CNP: variants seen among roughly 807,000 people sequenced by gnomAD.
CNP encodes 2',3'-cyclic nucleotide 3' phosphodiesterase, also known as 2',3'-cyclic-nucleotide 3'-phosphodiesterase.
Under a neutral mutation model 37.9 loss-of-function variants are expected in CNP, and 8 were observed. That is an observed-to-expected ratio of 0.21 (90% CI 0.12 to 0.38). CNP has a LOEUF of 0.38. Among genes scored for constraint, CNP ranks in the 10% least tolerant of loss-of-function variants. The probability of loss-of-function intolerance (pLI) is 1.00; values close to 1 mark genes in which losing one functional copy is unlikely to be tolerated. For missense variants in CNP, 457 were observed against 551.0 expected (o/e 0.83, Z 1.71); for synonymous variants, 237 against 238.3 (o/e 0.99, Z 0.05).
chr17:41,972,034 G>A lies in CNP; in HGVS notation c.816+3G>A. The stretch of plus-strand genomic sequence containing the variant: ...CAGAGGAGTACGCTCAACAAGATGT[G>A]AGTCTTCCCCAGGGACACATGGGGG... On this transcript the variant is annotated splice_donor_region_variant and intron_variant, in intron 3 of 3. Coordinates refer to ENST00000393892, the MANE Select transcript of CNP (RefSeq NM_033133.5). The A allele has an allele frequency of 6.2e-7, 1 of 1,613,598 alleles. No individual in the cohort carries two copies. Among genetic ancestry groups the A allele is most frequent in the Non-Finnish European group, 8.5e-7 (1 of 1,179,730 alleles).
Position 41,968,832 on chromosome 17 carries a change from C to T in CNP, c.676+92C>T. The T allele has an allele frequency of 7.2e-7, 1 of 1,393,502 alleles. No homozygotes were observed. The highest frequency in any genetic ancestry group is 9.6e-7 in the Non-Finnish European group (1 of 1,044,000). The allele number at this position is 1,393,502 out of a possible 1,614,324, so 86.3% of individuals were successfully genotyped here. On this transcript the variant is annotated intron_variant, in intron 2 of 3. Transcript: ENST00000393892. This position sits in a 1 kb window ranked among gnomAD's most constrained non-coding sequence, Gnocchi z 4.8. Reference sequence around the variant, plus strand: ...ATCATTGTACTCAAAGGATGGAGCACGAAGCAGCAGGAGGCAGAGAGAGGC... The same window carrying T: ...ATCATTGTACTCAAAGGATGGAGCATGAAGCAGCAGGAGGCAGAGAGAGGC...
chr17:41,967,336 C>T (rs1469798241), intron 1 of CNP: 1 of 158,118 alleles, frequency 6.3e-6, no homozygotes, highest in Non-Finnish European at 1.4e-5. Context: ...AGCTGCCGTC[C>T]CTTGTGGCTT....
At chr17:41,973,432 C>T (rs781860039) in intron 3 of CNP, 43 bp from the exon 4 acceptor site, 1 of 1,565,582 alleles carries the variant, frequency 6.4e-7, no homozygotes, top group East Asian at 2.2e-5. Context: ...TCCTCAAGAG[C>T]CTGCCATCTC....
chr17:41,974,000 T>A lies in CNP; in HGVS notation c.*76T>A. On this transcript the variant is annotated 3_prime_UTR_variant, in exon 4 of 4. Transcript: ENST00000393892. Reference sequence around the variant, plus strand: ...TGCCCTCTGTTTGATCCTTGTTTTGTGACATTTTTTTTTTTTTTTTTTTTA... The same window carrying A: ...TGCCCTCTGTTTGATCCTTGTTTTGAGACATTTTTTTTTTTTTTTTTTTTA... 1 of 1,185,048 alleles carries A rather than the reference T, an allele frequency of 8.4e-7. No homozygotes were observed. Among genetic ancestry groups the A allele is most frequent in the Non-Finnish European group, 1.1e-6 (1 of 916,432 alleles). 73.4% of individuals were successfully genotyped at this position (1,185,048 alleles called of 1,614,324 possible).
chr17:41,976,474 T>A lies in CNP; in HGVS notation c.*2550T>A, dbSNP rs782811259. On this transcript the variant is annotated 3_prime_UTR_variant, in exon 4 of 4. Transcript: ENST00000393892. ...ACATTTTATTCTCTTTTTTTTTTCT[T>A]TTTTAATAAAGTTAAACAGTAAAAC... The A allele has an allele frequency of 6.5e-6, 3 of 462,214 alleles. No homozygotes were observed. The highest frequency in any genetic ancestry group is 1.1e-5 in the Non-Finnish European group (3 of 265,298). 28.6% of individuals were successfully genotyped at this position (462,214 alleles called of 1,614,324 possible). A position where few individuals can be genotyped will look rare whatever the true frequency, so the allele number is the denominator to read the frequency against.
In CNP at chr17:41,977,520, TA is replaced by T. The variant is rs1424498791; in HGVS notation, c.*3597del. On this transcript the variant is annotated 3_prime_UTR_variant, in exon 4 of 4. Transcript: ENST00000393892. ...AAAACATGCTACCTGATCCCACTCCTAGGACATGTTCCCTTCTCCTTCCAAC... is the reference window on the plus strand; with the variant it reads ...AAAACATGCTACCTGATCCCACTCCTGGACATGTTCCCTTCTCCTTCCAAC... 2 of 502,250 alleles carry T rather than the reference TA, an allele frequency of 4.0e-6. No individual in the cohort carries two copies. Among genetic ancestry groups the T allele is most frequent in the East Asian group, 6.8e-5 (2 of 29,312 alleles). The allele number at this position is 502,250 out of a possible 1,614,324, so 31.1% of individuals were successfully genotyped here.
rs1243707392 is a variant in CNP at position 41,968,535 on chromosome 17, C to A, written c.471C>A (p.Asp157Glu). The A allele has an allele frequency of 6.2e-7, 1 of 1,614,042 alleles. No individual in the cohort carries two copies. Among genetic ancestry groups the A allele is most frequent in the Non-Finnish European group, 8.5e-7 (1 of 1,180,050 alleles). The change falls in exon 2 of 4, where the codon GAC (aspartate) becomes GAA (glutamate). Residue 157 changes from aspartate to glutamate, a missense_variant. Asp to Glu is a conservative substitution (Grantham distance 45, BLOSUM62 2). This residue lies in a region of CNP where 166 missense variants were observed against 259.3 expected (regional missense o/e 0.64). Transcript: ENST00000393892. The surrounding 1 kb of genome is among the most constrained non-coding windows in gnomAD (Gnocchi z 4.8). ...AGCCCAAGACGGCGTGGCGGCTGGACTGTGCCCAGCTCAAGGAGAAGAACC... is the reference window on the plus strand; with the variant it reads ...AGCCCAAGACGGCGTGGCGGCTGGAATGTGCCCAGCTCAAGGAGAAGAACC... ...LVEPKTAWRL[D>E]CAQLKEKNQW... is the part of the protein sequence containing the mutation.
In CNP at chr17:41,975,620, C is replaced by T. The variant is rs1183930948; in HGVS notation, c.*1696C>T. On this transcript the variant is annotated 3_prime_UTR_variant, in exon 4 of 4. Transcript: ENST00000393892. ...TGAGTCCCTTCCAGGCCATCAGAGG[C>T]CTAGTCAGCCACATGGGAAACTTCC... The T allele has an allele frequency of 6.6e-6, 1 of 152,240 alleles. No homozygotes were observed. Among genetic ancestry groups the T allele is most frequent in the African/African-American group, 2.4e-5 (1 of 41,434 alleles). 9.4% of individuals were successfully genotyped at this position (152,240 alleles called of 1,614,324 possible). A position where few individuals can be genotyped will look rare whatever the true frequency, so the allele number is the denominator to read the frequency against.
At chr17:41,973,438 A>T (rs1555644140) in intron 3 of CNP, 37 bp from the exon 4 acceptor site, 1 of 1,578,398 alleles carries the variant, frequency 6.3e-7, no homozygotes. Flanking sequence ...AGAGCCTGCC[A>T]TCTCTAGCTT....
Position 41,973,786 on chromosome 17 carries a change from C to T in CNP, c.1128C>T (p.Gly376=), listed in dbSNP as rs1555644243. 6.2e-7 allele frequency: 1 copy of T among 1,612,708 alleles called. No homozygotes were observed. Among genetic ancestry groups the T allele is most frequent in the Non-Finnish European group, 8.5e-7 (1 of 1,179,360 alleles). The change falls in exon 4 of 4, where the codon GGC becomes GGT. Residue 376 remains glycine (G), a synonymous_variant. Transcript: ENST00000393892. Reference sequence around the variant, plus strand: ...GCCGGGGCAAGCTCTATTCCTTGGGCAATGGGCGCTGGATGCTGACCCTGG... The same window carrying T: ...GCCGGGGCAAGCTCTATTCCTTGGGTAATGGGCGCTGGATGCTGACCCTGG... The part of the protein sequence containing the change: ...ELSRGKLYSL[G]NGRWMLTLAK...
In CNP at chr17:41,968,780, G is replaced by A; in HGVS notation, c.676+40G>A. ...GGGGCCTTATAAGCCCACCTTGCTG[G>A]GCACAGGGTGCTGCGGGCAAAGGAC... On this transcript the variant is annotated intron_variant, in intron 2 of 3. Coordinates refer to ENST00000393892, the MANE Select transcript of CNP (RefSeq NM_033133.5). This position sits in a 1 kb window ranked among gnomAD's most constrained non-coding sequence, Gnocchi z 4.8. 6.4e-7 allele frequency: 1 copy of A among 1,557,912 alleles called. No homozygotes were observed. Among genetic ancestry groups the A allele is most frequent in the East Asian group, 2.3e-5 (1 of 43,632 alleles).
Position 41,974,172 on chromosome 17 carries a change from G to A in CNP, c.*248G>A, listed in dbSNP as rs1219814635. 3.7e-5 allele frequency: 12 copies of A among 321,866 alleles called. No homozygotes were observed. Among genetic ancestry groups the A allele is most frequent in the African/African-American group, 6.4e-5 (3 of 46,672 alleles). 19.9% of individuals were successfully genotyped at this position (321,866 alleles called of 1,614,324 possible). On this transcript the variant is annotated 3_prime_UTR_variant, in exon 4 of 4. Coordinates refer to ENST00000393892, the MANE Select transcript of CNP (RefSeq NM_033133.5). ...TTCAGGAACCTGGACCAAAGCTGAC[G>A]AGGCTGGGCCAAGCCAGGGATGGGG...
In CNP at chr17:41,972,002, C is replaced by G. The variant is rs200309815; in HGVS notation, c.787C>G (p.Pro263Ala). 6.2e-7 allele frequency: 1 copy of G among 1,613,844 alleles called. No homozygotes were observed. The highest frequency in any genetic ancestry group is 1.3e-5 in the African/African-American group (1 of 74,946). The change falls in exon 3 of 4, where the codon CCC (proline) becomes GCC (alanine). Residue 263 changes from proline (P) to alanine (A), a missense_variant. Pro to Ala is a conservative substitution (Grantham distance 27). Around this residue, in one of 2 missense-constraint regions of CNP, gnomAD observed 291 missense variants for 291.7 expected, o/e 1.00. Coordinates refer to ENST00000393892, the MANE Select transcript of CNP (RefSeq NM_033133.5). ...TTKFCDYGKA[P>A]GAEEYAQQDV... ...CAAGTTTTGTGACTACGGGAAGGCT[C>G]CCGGGGCAGAGGAGTACGCTCAACA...
Position 41,976,522 on chromosome 17 carries a change from T to A in CNP, c.*2598T>A. The A allele has an allele frequency of 1.9e-6, 1 of 539,074 alleles. No individual in the cohort carries two copies. The highest frequency in any genetic ancestry group is 3.2e-6 in the Non-Finnish European group (1 of 313,018). 33.4% of individuals were successfully genotyped at this position (539,074 alleles called of 1,614,324 possible). A position where few individuals can be genotyped will look rare whatever the true frequency, so the allele number is the denominator to read the frequency against. The stretch of plus-strand genomic sequence containing the variant: ...AACAAAAATTCACAAGCTGCCTCCC[T>A]GTCCACCCCCGCCTCCCTCCCCTGC... On this transcript the variant is annotated 3_prime_UTR_variant, in exon 4 of 4. Coordinates refer to ENST00000393892, the MANE Select transcript of CNP (RefSeq NM_033133.5).
At position 41,973,629 on chromosome 17, in the gene CNP, C is replaced by G. The variant is rs34044046; in HGVS notation, c.971C>G (p.Pro324Arg). Residue 324 changes from proline (P) to arginine (R), a missense_variant, in exon 4 of 4, where the codon CCG becomes CGG. Pro to Arg is a moderately radical substitution (Grantham distance 103). Around this residue, in one of 2 missense-constraint regions of CNP, gnomAD observed 291 missense variants for 291.7 expected, o/e 1.00. Transcript: ENST00000393892. ...AAGCTGTCACCCACTGACAACCTGC[C>G]GCGGGGGAGCCGCGCCCACATCACC... is the stretch of plus-strand genomic sequence containing the variant. ...VDKLSPTDNL[P>R]RGSRAHITLG... The G allele has an allele frequency of 6.2e-7, 1 of 1,614,136 alleles. No homozygotes were observed.
chr17:41,976,639 G>C lies in CNP; in HGVS notation c.*2715G>C. On this transcript the variant is annotated 3_prime_UTR_variant, in exon 4 of 4. Coordinates refer to ENST00000393892, the MANE Select transcript of CNP (RefSeq NM_033133.5). ...GAAAACGAAACTGCTCTAAGCACAC[G>C]GAGACGTGATGAAGGGAGGAGGTGA... 1 of 1,515,410 alleles carries C rather than the reference G, an allele frequency of 6.6e-7. No individual in the cohort carries two copies. 93.9% of individuals were successfully genotyped at this position (1,515,410 alleles called of 1,614,324 possible).
In CNP at chr17:41,976,003, T is replaced by C. The variant is rs1475923191; in HGVS notation, c.*2079T>C. On this transcript the variant is annotated 3_prime_UTR_variant, in exon 4 of 4. Coordinates refer to ENST00000393892, the MANE Select transcript of CNP (RefSeq NM_033133.5). ...GTCCCACCTCAAATGGGTCTGGGGG[T>C]CAGGAGGCAGGGTTTTATCTCTGTC... 3.3e-5 allele frequency: 5 copies of C among 151,702 alleles called. No homozygotes were observed. Among genetic ancestry groups the C allele is most frequent in the African/African-American group, 1.2e-4 (5 of 41,202 alleles). 9.4% of individuals were successfully genotyped at this position (151,702 alleles called of 1,614,324 possible).
chr17:41,967,899 T>C (rs895163776), intron 1 of CNP, 169 bp from the exon 2 acceptor site: 13 of 1,437,072 alleles, frequency 9.0e-6, no homozygotes, highest in Middle Eastern at 2.6e-4. Flanking sequence ...AGCTTCCCTC[T>C]TCCTCCTCCA....
At position 41,974,234 on chromosome 17, in the gene CNP, G is replaced by A. The variant is rs1321807804; in HGVS notation, c.*310G>A. The A allele has an allele frequency of 3.3e-5, 7 of 209,470 alleles. No homozygotes were observed. Among genetic ancestry groups the A allele is most frequent in the Admixed American group, 5.6e-5 (1 of 17,944 alleles). The allele number at this position is 209,470 out of a possible 1,614,324, so 13.0% of individuals were successfully genotyped here. On this transcript the variant is annotated 3_prime_UTR_variant, in exon 4 of 4. Transcript: ENST00000393892. ...ACCCCGAGCCCTACTTCCAGGTTCT[G>A]GTTAGCTCAGCCCCAGCCCAGCCCA...
Sources: gnomAD v4.1 joint callset for allele counts on GRCh38, gnomAD v4.1.1 for gene constraint, gnomAD v4.1.1 regional missense constraint, Gnocchi (gnomAD v3.1) non-coding constraint, MANE v1.5 for transcripts, NCBI Gene and HGNC (gene_info 2026-07-23, HGNC 2026-07-21) for gene names.